Variants in ATP2B4 observed in about 807,000 individuals in gnomAD.
The protein encoded by ATP2B4 is ATPase plasma membrane Ca2+ transporting 4.
A neutral mutation model predicts 110.3 loss-of-function variants in ATP2B4; 39 were observed. That is an observed-to-expected ratio of 0.35 (90% confidence interval 0.27 to 0.46). The LOEUF (loss-of-function observed/expected upper bound fraction) is 0.46. ATP2B4 is among the 20% of genes least tolerant of loss of function. The pLI, the probability that ATP2B4 is intolerant of heterozygous loss-of-function variation, is 1.00. For missense variants in ATP2B4, 1,135 were observed against 1,530.9 expected, an observed-to-expected ratio of 0.74 and a Z score of 4.32; for synonymous variants, 538 against 571.7, an observed-to-expected ratio of 0.94 and a Z score of 0.84.
At chr1:203,656,491 G>T (rs907925082) in intron 1 of ATP2B4, among the ~76,000 whole-genome samples, 1 of 152,188 alleles carries the variant, frequency 6.6e-6, no homozygotes, top group Non-Finnish European at 1.5e-5. Context: ...TTTCACAGGT[G>T]AAAAGATTTC....
intron 19 of ATP2B4, 78 bp downstream of exon 19, chr1:203,724,066 A>G (rs1571767045): frequency 8.3e-7 from 1 of 1,211,682 alleles, no homozygotes; most frequent in Non-Finnish European, 1.2e-6. Context: ...GGAACAAGCA[A>G]CGGTGGAGAC....
At chr1:203,654,882 G>C (rs1207982188) in intron 1 of ATP2B4, among the ~76,000 whole-genome samples, 1 of 117,470 alleles carries the variant, frequency 8.5e-6, no homozygotes, top group African/African-American at 3.3e-5. Flanking sequence ...GTGAGACCTC[G>C]TCTGGAAAAA....
intron 8 of ATP2B4, among the ~76,000 whole-genome samples, chr1:203,704,182 G>T (rs150712136): frequency 6.6e-5 from 10 of 152,318 alleles, no homozygotes; most frequent in Admixed American, 6.5e-4. Context: ...GAAGGCTGCA[G>T]CTTGCTACAG....
intron 1 of ATP2B4, among the ~76,000 whole-genome samples, chr1:203,630,560 C>G (rs1663238029): frequency 6.6e-6 from 1 of 152,130 alleles, no homozygotes; most frequent in South Asian, 2.1e-4. Flanking sequence ...AACTGTTTGG[C>G]TTAGGTTAGA....
In ATP2B4 at chr1:203,707,906, T is replaced by C; in HGVS notation, c.1359T>C (p.Cys453=). 6.2e-7 allele frequency: 1 copy of C among 1,614,212 alleles called. No individual in the cohort carries two copies. The change falls in exon 10 of 21, where the codon TGT becomes TGC. Residue 453 remains cysteine, a synonymous_variant. Coordinates refer to ENST00000357681, the MANE Select transcript of ATP2B4 (RefSeq NM_001684.5). ...DNNLVRHLDA[C]ETMGNATAIC... Reference sequence around the variant, plus strand: ...ACCTAGTACGGCACTTGGATGCTTGTGAGACCATGGGCAACGCCACCGCCA... The same window carrying C: ...ACCTAGTACGGCACTTGGATGCTTGCGAGACCATGGGCAACGCCACCGCCA...
intron 15 of ATP2B4, among the ~76,000 whole-genome samples, chr1:203,717,540 G>C (rs1327379359): frequency 6.6e-6 from 1 of 151,016 alleles, no homozygotes; most frequent in Non-Finnish European, 1.5e-5. Flanking sequence ...GTTTATTCTT[G>C]GTTTTTTCGT....
intron 17 of ATP2B4, 68 bp downstream of exon 17, chr1:203,721,478 G>A: frequency 6.6e-7 from 1 of 1,505,548 alleles, no homozygotes. Flanking sequence ...AAAGAAGGTA[G>A]CGTGAGAGCA....
chr1:203,654,043 G>A (rs966165624), intron 1 of ATP2B4, among the ~76,000 whole-genome samples: 2 of 137,284 alleles, frequency 1.5e-5, no homozygotes, highest in African/African-American at 2.7e-5. Flanking sequence ...GAGTGCAATT[G>A]TGCGATCTCA....
intron 20 of ATP2B4, among the ~76,000 whole-genome samples, chr1:203,738,036 TTG>T (rs1435700989): frequency 6.6e-6 from 1 of 152,178 alleles, no homozygotes; most frequent in African/African-American, 2.4e-5. Context: ...CTCCAAATTC[TTG>T]TGTCTTCTCC....
In ATP2B4 at chr1:203,702,099, A is replaced by T; in HGVS notation, c.937+20A>T. 3 of 1,613,712 alleles carry T rather than the reference A, an allele frequency of 1.9e-6. No homozygotes were observed. The highest frequency in any genetic ancestry group is 2.5e-6 in the Non-Finnish European group (3 of 1,179,728). On this transcript the variant is annotated intron_variant, in intron 7 of 20. Coordinates refer to ENST00000357681, the MANE Select transcript of ATP2B4 (RefSeq NM_001684.5). ...ACAAAGGTAACCTCTCCAACTACTC[A>T]TTTACCATCTCTACCTGCCCACACT...
intron 1 of ATP2B4, among the ~76,000 whole-genome samples, chr1:203,646,340 G>C (rs1023023800): frequency 6.6e-6 from 1 of 152,182 alleles, no homozygotes; most frequent in African/African-American, 2.4e-5. Flanking sequence ...GTCCAAGGGT[G>C]CAGTGGCACG....
At position 203,711,943 on chromosome 1, in the gene ATP2B4, T is replaced by C; in HGVS notation, c.2032-17T>C. ...TCACCCTCATCTGCGCCTTTCCCCT[T>C]TCTTCACTCTCCATAGGTGCCAGAT... On this transcript the variant is annotated splice_polypyrimidine_tract_variant and intron_variant, in intron 12 of 20. Coordinates refer to ENST00000357681, the MANE Select transcript of ATP2B4 (RefSeq NM_001684.5). 1 of 1,612,692 alleles carries C rather than the reference T, an allele frequency of 6.2e-7. No homozygotes were observed. Among genetic ancestry groups the C allele is most frequent in the Non-Finnish European group, 8.5e-7 (1 of 1,179,004 alleles).
intron 1 of ATP2B4, among the ~76,000 whole-genome samples, chr1:203,664,523 T>G (rs1296486617): frequency 2.0e-5 from 3 of 152,226 alleles, no homozygotes; most frequent in African/African-American, 7.2e-5. Context: ...ATCCCCATTT[T>G]TTTAGATGAG....
intron 1 of ATP2B4, among the ~76,000 whole-genome samples, chr1:203,647,755 T>C (rs931376825): frequency 6.6e-6 from 1 of 151,872 alleles, no homozygotes; most frequent in African/African-American, 2.4e-5. Context: ...GGAGACTCTG[T>C]CTTAAAAAAT....
rs1367793225 is a variant in ATP2B4, at chr1:203,630,367, C to CT, written c.-465+3149dup. Among the ~76,000 whole-genome samples, 269 of 9,412 alleles carry CT rather than the reference C, an allele frequency of 0.029. 1 individual carries two copies. The East Asian group carries it at 0.42, about 15-fold the overall frequency. The allele number at this position is 9,412 out of a possible 152,430, so 6.2% of individuals were successfully genotyped here. ...CCCTTTTCTCTCTCTCTCTCTCTCT[C>CT]TCTTTTTTTTTTTTTTTTTTCAATG... On this transcript the variant is annotated intron_variant, in intron 1 of 20. Coordinates refer to ENST00000357681, the MANE Select transcript of ATP2B4 (RefSeq NM_001684.5).
rs143180182 is a variant in ATP2B4, at chr1:203,723,887, A to G, written c.3031A>G (p.Ile1011Val). ...GCCCCTTTCTCTGTTCTAGATTTTC[A>G]TCGTGGAATTTGGGGGTAAACCCTT... ...VLGTFICQIFIVEFGGKPFSC... is the reference protein window; with the variant it reads ...VLGTFICQIFVVEFGGKPFSC... The change falls in exon 19 of 21, where the codon ATC (isoleucine) becomes GTC (valine). Residue 1011 changes from isoleucine to valine, a missense_variant. This residue lies in a region of ATP2B4 where 155 missense variants were observed against 186.2 expected (regional missense o/e 0.83). Coordinates refer to ENST00000357681, the MANE Select transcript of ATP2B4 (RefSeq NM_001684.5). The G allele has an allele frequency of 2.5e-6, 4 of 1,603,242 alleles. No homozygotes were observed. The highest frequency in any genetic ancestry group is 1.1e-5 in the South Asian group (1 of 89,240).
intron 20 of ATP2B4, among the ~76,000 whole-genome samples, chr1:203,738,292 C>A (rs1666919888): frequency 6.6e-6 from 1 of 152,086 alleles, no homozygotes; most frequent in South Asian, 2.1e-4. Context: ...CTCCCCCTAC[C>A]CCAATTCTAC....
rs752189211 is a variant in ATP2B4 at position 203,707,030 on chromosome 1, C to T, written c.1121C>T (p.Thr374Met). ...GKAGLLMSAL[T>M]VFILILYFVI... ...ACAGGTCTGCTCATGTCTGCTCTCA[C>T]GGTTTTCATCCTGATTCTATACTTT... Residue 374 changes from threonine to methionine, a missense_variant, in exon 9 of 21, where the codon ACG becomes ATG. Physicochemically the swap from Thr to Met is moderately conservative, Grantham distance 81 (BLOSUM62 -1). Coordinates refer to ENST00000357681, the MANE Select transcript of ATP2B4 (RefSeq NM_001684.5). 6.2e-6 allele frequency: 10 copies of T among 1,613,784 alleles called. No homozygotes were observed. Among genetic ancestry groups the T allele is most frequent in the Middle Eastern group, 1.6e-4 (1 of 6,084 alleles).
chr1:203,671,546 G>A (rs963431144), intron 1 of ATP2B4, among the ~76,000 whole-genome samples: 1 of 152,046 alleles, frequency 6.6e-6, no homozygotes, highest in African/African-American at 2.4e-5. Context: ...AAGGCAGAGG[G>A]CCATAGTACT....
Sources: gnomAD v4.1 joint callset for allele counts (sites outside exome capture counted in the v4.1 genomes callset) on GRCh38, gnomAD v4.1.1 for gene constraint, gnomAD v4.1.1 regional missense constraint, MANE v1.5 for transcripts, NCBI Gene and HGNC (gene_info 2026-07-23, HGNC 2026-07-21) for gene names.